Variants in LIMS1 observed in about 807,000 individuals in gnomAD.
LIMS1 encodes LIM zinc finger domain containing 1, also known as LIM and senescent cell antigen-like-containing domain protein 1.
Under a neutral mutation model 44.1 loss-of-function variants are expected in LIMS1, and 18 were observed. The ratio of observed to expected loss-of-function variants is 0.41; its 90% CI spans 0.28 to 0.61. The LOEUF (loss-of-function observed/expected upper bound fraction) is 0.61, where lower values mean the gene tolerates loss of function less well. LIMS1 is among the 20% of genes least tolerant of loss of function. The probability of loss-of-function intolerance (pLI) is 0.32; values close to 1 mark genes in which losing one functional copy is unlikely to be tolerated. For synonymous variants in LIMS1, 93 were observed against 149.1 expected, an observed-to-expected ratio of 0.62 and a Z score of 2.74; for missense variants, 201 against 422.0, an observed-to-expected ratio of 0.48 and a Z score of 4.59.
chr2:108,594,138 G>A (rs904608748), intron 1 of LIMS1, among the ~76,000 whole-genome samples: 3 of 152,174 alleles, frequency 2.0e-5, no homozygotes, highest in African/African-American at 4.8e-5. Flanking sequence ...GAAGAGGTGG[G>A]AAGGATATGG....
chr2:108,563,360 A>G (rs1339364962), intron 1 of LIMS1, among the ~76,000 whole-genome samples: 1 of 152,244 alleles, frequency 6.6e-6, no homozygotes, highest in Non-Finnish European at 1.5e-5. Context: ...TCTGAAAAAG[A>G]TTCACCATTC....
chr2:108,626,534 C>A (rs1366081845), intron 1 of LIMS1, among the ~76,000 whole-genome samples: 1 of 152,152 alleles, frequency 6.6e-6, no homozygotes, highest in East Asian at 1.9e-4. Flanking sequence ...ACTCTCACCT[C>A]CCACCCCCAT....
chr2:108,653,324 T>C lies in LIMS1; in HGVS notation c.33-6281T>C, dbSNP rs537513500. Among the ~76,000 whole-genome samples the C allele has an allele frequency of 1.1e-4, 17 of 149,800 alleles. No homozygotes were observed. In the South Asian group the frequency reaches 3.7e-3, roughly 33 times the overall value. On this transcript the variant is annotated intron_variant, in intron 1 of 9. Coordinates refer to ENST00000544547, the Ensembl canonical transcript of LIMS1. ...GTCTCTTTGTGCCTCAGTTTCTTCA[T>C]TTGTAACTAACACCTATCTCAGAAG...
At chr2:108,539,772 A>T (rs947409377) in intron 1 of LIMS1, among the ~76,000 whole-genome samples, 6 of 152,184 alleles carry the variant, frequency 3.9e-5, no homozygotes, top group African/African-American at 1.4e-4. Flanking sequence ...AACATAGTAG[A>T]TGCTCAATGA....
intron 1 of LIMS1, among the ~76,000 whole-genome samples, chr2:108,589,710 C>T (rs537586506): frequency 1.3e-5 from 2 of 152,238 alleles, no homozygotes; most frequent in African/African-American, 4.8e-5. Flanking sequence ...GTATTTCCAT[C>T]TTCATTTGTC....
chr2:108,578,587 A>ATTTTTTTTTTTTTTTTTTTTTT (rs575139291), intron 1 of LIMS1, among the ~76,000 whole-genome samples: 1 of 100,792 alleles, frequency 9.9e-6, no homozygotes, highest in Non-Finnish European at 2.0e-5. Context: ...AATGTAAATA[A>ATTTTTTTTTTTTTTTTTTTTTT]TTTTTTTTTT....
At chr2:108,673,418 C>T (rs563869601) in intron 5 of LIMS1, 11 of 291,960 alleles carry the variant, frequency 3.8e-5, no homozygotes, top group East Asian at 3.1e-4. Flanking sequence ...GGGTCTCTCT[C>T]GCTCTATTGC....
At chr2:108,566,143 G>T (rs1455546676) in intron 1 of LIMS1, among the ~76,000 whole-genome samples, 1 of 152,156 alleles carries the variant, frequency 6.6e-6, no homozygotes, top group Non-Finnish European at 1.5e-5. Context: ...TGTTGTCTGG[G>T]CAGGTTAGGC....
At chr2:108,636,055 T>C (rs368962181) in intron 1 of LIMS1, among the ~76,000 whole-genome samples, 3 of 152,220 alleles carry the variant, frequency 2.0e-5, no homozygotes, top group Non-Finnish European at 2.9e-5. Context: ...TTTGGAGTAA[T>C]AAGGAATTGG....
At chr2:108,553,662 A>G (rs1684832107) in intron 1 of LIMS1, among the ~76,000 whole-genome samples, 1 of 152,234 alleles carries the variant, frequency 6.6e-6, no homozygotes, top group Non-Finnish European at 1.5e-5. Flanking sequence ...CTACTAAGGA[A>G]CAGGAAATTC....
intron 1 of LIMS1, among the ~76,000 whole-genome samples, chr2:108,640,617 C>G (rs1689608248): frequency 6.6e-6 from 1 of 152,120 alleles, no homozygotes; most frequent in Non-Finnish European, 1.5e-5. Context: ...GGGAATAAAA[C>G]TAGGATAGTT....
chr2:108,550,236 C>G (rs1399676202), intron 1 of LIMS1, among the ~76,000 whole-genome samples: 1 of 152,004 alleles, frequency 6.6e-6, no homozygotes, highest in Non-Finnish European at 1.5e-5. Context: ...TGGCTCACCC[C>G]TGTAATCCCA....
chr2:108,557,525 T>C (rs1180765758), intron 1 of LIMS1, among the ~76,000 whole-genome samples: 2 of 152,038 alleles, frequency 1.3e-5, no homozygotes, highest in Admixed American at 1.3e-4. Context: ...AGGAACTTTT[T>C]TTTTTTTGAG....
intron 1 of LIMS1, among the ~76,000 whole-genome samples, chr2:108,600,486 A>G (rs1231923937): frequency 2.0e-5 from 3 of 152,158 alleles, no homozygotes; most frequent in Admixed American, 6.5e-5. Context: ...TCCTTATACT[A>G]GTTTCATAGT....
intron 1 of LIMS1, among the ~76,000 whole-genome samples, chr2:108,633,123 A>G (rs530084761): frequency 1.3e-5 from 2 of 152,308 alleles, no homozygotes; most frequent in East Asian, 3.9e-4. Context: ...TGCCTTTTGA[A>G]TTATTCCTGC....
intron 1 of LIMS1, among the ~76,000 whole-genome samples, chr2:108,641,922 G>A (rs1363702709): frequency 6.6e-6 from 1 of 152,180 alleles, no homozygotes; most frequent in East Asian, 1.9e-4. Flanking sequence ...TTACTTGCAT[G>A]TCATGATTGT....
At chr2:108,679,967 A>G (rs553394088) in intron 8 of LIMS1, among the ~76,000 whole-genome samples, 2 of 151,734 alleles carry the variant, frequency 1.3e-5, no homozygotes, top group African/African-American at 4.8e-5. Context: ...GCTCATGCCT[A>G]TAATCTCAGC....
chr2:108,634,896 G>A (rs978064602), intron 1 of LIMS1, among the ~76,000 whole-genome samples: 6 of 152,154 alleles, frequency 3.9e-5, no homozygotes, highest in South Asian at 2.1e-4. Context: ...TTCACTGATC[G>A]CCTCAGTTCC....
intron 1 of LIMS1, 92 bp downstream of exon 1, chr2:108,534,686 G>GCGGC (rs1684056864): frequency 2.6e-6 from 2 of 757,378 alleles, no homozygotes; most frequent in African/African-American, 1.9e-5. Context: ...GCGCGGGCGG[G>GCGGC]CGGCCGGGCT....
Sources: allele counts gnomAD v4.1 joint callset (sites outside exome capture counted in the v4.1 genomes callset), GRCh38; gene constraint gnomAD v4.1.1; transcripts MANE v1.5; gene names NCBI Gene and HGNC (gene_info 2026-07-23, HGNC 2026-07-21).